The following NEBL variants were observed in gnomAD, a reference collection of about 807,000 sequenced individuals.
NEBL encodes nebulette.
A neutral mutation model predicts 140.2 loss-of-function variants in NEBL; 122 were observed. That is an observed-to-expected ratio of 0.87 (90% confidence interval 0.75 to 1.01). The LOEUF (loss-of-function observed/expected upper bound fraction) is 1.01, where lower values mean the gene tolerates loss of function less well. Among genes scored for constraint, NEBL ranks in the 50% least tolerant of loss-of-function variants. The pLI is 0.00. For synonymous variants in NEBL, 436 were observed against 398.9 expected (o/e 1.09, Z -1.11); for missense variants, 1,365 against 1,231.3 (o/e 1.11, Z -1.62).
chr10:21,134,416 C>G (rs935744596), intron 2 of NEBL, among the ~76,000 whole-genome samples: 3 of 152,140 alleles, frequency 2.0e-5, no homozygotes, highest in African/African-American at 7.2e-5. Context: ...TTTTGTAATG[C>G]TAAAGACAGA....
At chr10:21,234,891 G>A (rs895711163) in intron 3 of NEBL, among the ~76,000 whole-genome samples, 1 of 152,216 alleles carries the variant, frequency 6.6e-6, no homozygotes, top group Non-Finnish European at 1.5e-5. Flanking sequence ...CTCCGGTACA[G>A]GCCAAAACAA....
intron 13 of NEBL, among the ~76,000 whole-genome samples, chr10:20,836,439 T>C (rs2130940484): frequency 6.6e-6 from 1 of 152,290 alleles, no homozygotes; most frequent in Middle Eastern, 3.4e-3. Flanking sequence ...GCCAGGCCGG[T>C]CACGAACTCC....
intron 6 of NEBL, 81 bp downstream of exon 6, chr10:20,869,659 C>G: frequency 1.1e-6 from 1 of 896,786 alleles, no homozygotes; most frequent in Non-Finnish European, 1.9e-6. Flanking sequence ...ATTAAATGAA[C>G]CATCCAACCA....
intron 26 of NEBL, among the ~76,000 whole-genome samples, chr10:20,797,238 G>T (rs1033144995): frequency 7.2e-5 from 11 of 152,180 alleles, no homozygotes; most frequent in East Asian, 1.9e-4. Flanking sequence ...TACAATGAAA[G>T]AAATTGTCAT....
intron 3 of NEBL, among the ~76,000 whole-genome samples, chr10:21,216,013 C>T (rs1429710782): frequency 1.3e-5 from 2 of 152,144 alleles, no homozygotes; most frequent in Non-Finnish European, 2.9e-5. Flanking sequence ...CCTTCACTTC[C>T]TACTTCCCAG....
chr10:21,192,679 T>C (rs1841591841), intron 3 of NEBL, among the ~76,000 whole-genome samples: 1 of 151,278 alleles, frequency 6.6e-6, no homozygotes. Context: ...ACCCCATCTC[T>C]ACTAAAAATA....
At chr10:21,095,746 T>G (rs1362789957) in intron 2 of NEBL, among the ~76,000 whole-genome samples, 3 of 152,234 alleles carry the variant, frequency 2.0e-5, no homozygotes, top group Non-Finnish European at 2.9e-5. Flanking sequence ...TTCATCTTGA[T>G]GCAATGAGAT....
intron 2 of NEBL, among the ~76,000 whole-genome samples, chr10:21,060,874 C>T (rs1835241970): frequency 6.6e-6 from 1 of 151,920 alleles, no homozygotes; most frequent in African/African-American, 2.4e-5. Flanking sequence ...TCAGTTTATC[C>T]ATCCTTCCTG....
chr10:21,149,258 G>A (rs958326157), intron 2 of NEBL, among the ~76,000 whole-genome samples: 4 of 152,110 alleles, frequency 2.6e-5, no homozygotes, highest in East Asian at 3.9e-4. Flanking sequence ...CTCACCTTAC[G>A]CACCTCGTCG....
At chr10:21,284,793 T>C (rs1843035488) in intron 1 of NEBL, among the ~76,000 whole-genome samples, 1 of 152,148 alleles carries the variant, frequency 6.6e-6, no homozygotes, top group African/African-American at 2.4e-5. Context: ...TGAAAACCCA[T>C]CATATTCAAG....
At chr10:20,823,058 G>A (rs572114144) in intron 19 of NEBL, 150 bp downstream of exon 19, 1 of 599,434 alleles carries the variant, frequency 1.7e-6, no homozygotes, top group South Asian at 2.0e-5. Context: ...AGGGCATACA[G>A]ATGTGTAAAA....
intron 2 of NEBL, among the ~76,000 whole-genome samples, chr10:21,154,926 C>A (rs1840280429): frequency 6.6e-6 from 1 of 152,168 alleles, no homozygotes; most frequent in Non-Finnish European, 1.5e-5. Flanking sequence ...ATAGGCTGGG[C>A]GTAGTGGCTC....
chr10:20,996,261 A>G (rs1589120135), intron 3 of NEBL, among the ~76,000 whole-genome samples: 1 of 152,352 alleles, frequency 6.6e-6, no homozygotes, highest in Middle Eastern at 3.4e-3. Context: ...GGGGTAGGGC[A>G]AACTAACAAA....
upstream of NEBL, among the ~76,000 whole-genome samples, chr10:21,178,893 G>A (rs1841344018): frequency 6.6e-6 from 1 of 152,178 alleles, no homozygotes; most frequent in East Asian, 1.9e-4. Context: ...AGTCTCTTGG[G>A]ATAAAGGACA....
chr10:20,930,011 C>T (rs983347723), intron 4 of NEBL, among the ~76,000 whole-genome samples: 1 of 152,104 alleles, frequency 6.6e-6, no homozygotes, highest in Non-Finnish European at 1.5e-5. Flanking sequence ...TGGGTGATCT[C>T]GCCTCATTCC....
chr10:21,245,726 G>A (rs1482899), intron 3 of NEBL, among the ~76,000 whole-genome samples: 29,912 of 151,658 alleles, frequency 0.2, 3,389 homozygotes, highest in African/African-American at 0.3. Context: ...GCATGGAGAC[G>A]AAGTCTTGCT....
intron 3 of NEBL, among the ~76,000 whole-genome samples, chr10:20,968,409 G>A (rs1281798583): frequency 6.6e-6 from 1 of 152,042 alleles, no homozygotes; most frequent in Non-Finnish European, 1.5e-5. Context: ...TACTAGGGAA[G>A]CTGAGACAGG....
intron 1 of NEBL, among the ~76,000 whole-genome samples, chr10:21,267,465 GA>G (rs1294355121): frequency 6.6e-6 from 1 of 152,212 alleles, no homozygotes; most frequent in Non-Finnish European, 1.5e-5. Flanking sequence ...ACTTTTCCCA[GA>G]AGCACTTTCT....
chr10:21,008,714 T>C (rs1440054165), intron 3 of NEBL, among the ~76,000 whole-genome samples: 1 of 152,136 alleles, frequency 6.6e-6, no homozygotes. Context: ...TTGTTGTTAA[T>C]CTCTTCCTGT....
Sources: gnomAD v4.1 joint callset for allele counts (sites outside exome capture counted in the v4.1 genomes callset) on GRCh38, gnomAD v4.1.1 for gene constraint, MANE v1.5 for transcripts, NCBI Gene and HGNC (gene_info 2026-07-23, HGNC 2026-07-21) for gene names.